The following FNDC1 variants were observed in gnomAD, a reference collection of about 807,000 sequenced individuals.
FNDC1 encodes fibronectin type III domain-containing protein 1.
In FNDC1, 96 loss-of-function variants were observed where a neutral mutation model predicts 168.0. The ratio of observed to expected loss-of-function variants is 0.57; its 90% CI spans 0.48 to 0.68. The LOEUF (loss-of-function observed/expected upper bound fraction) is 0.68. Among genes scored for constraint, FNDC1 ranks in the 30% least tolerant of loss-of-function variants. FNDC1 has a pLI of 0.00. For missense variants in FNDC1, 2,587 were observed against 2,482.1 expected (o/e 1.04, Z -0.90); for synonymous variants, 1,099 against 1,025.9 (o/e 1.07, Z -1.36).
intron 1 of FNDC1, among the ~76,000 whole-genome samples, chr6:159,180,332 G>C (rs1225752282): frequency 6.6e-6 from 1 of 152,112 alleles, no homozygotes; most frequent in African/African-American, 2.4e-5. Flanking sequence ...CTGTAAGACT[G>C]TATTTCCAAA....
chr6:159,172,634 A>T (rs993662078), intron 1 of FNDC1, among the ~76,000 whole-genome samples: 4 of 152,272 alleles, frequency 2.6e-5, no homozygotes, highest in African/African-American at 9.6e-5. Context: ...ACCAGTGTAT[A>T]GCCTTACAAC....
chr6:159,251,193 C>T (rs1777251537), intron 16 of FNDC1, 109 bp from the exon 17 acceptor site: 1 of 780,680 alleles, frequency 1.3e-6, no homozygotes, highest in South Asian at 1.7e-5. Context: ...AGCCTCCGTC[C>T]AGCAGGAAGA....
chr6:159,226,140 T>C lies in FNDC1; in HGVS notation c.1073-333T>C, dbSNP rs114125969. Among the ~76,000 whole-genome samples, 1,116 of 152,312 alleles carry C rather than the reference T, an allele frequency of 7.3e-3. 15 individuals carry two copies. The highest frequency in any genetic ancestry group is 0.026 in the African/African-American group (1,070 of 41,540). On this transcript the variant is annotated intron_variant, in intron 8 of 22. Coordinates refer to ENST00000297267, the MANE Select transcript of FNDC1 (RefSeq NM_032532.3). The stretch of plus-strand genomic sequence containing the variant: ...TCTGTATCCAAGGCTACCATTCTTT[T>C]CTCTTAAACTATGTCTTTCAAAGTT...
In FNDC1 at chr6:159,271,959, C is replaced by T. The variant is rs1777756121; in HGVS notation, c.*517C>T. 6.5e-6 allele frequency: 1 copy of T among 153,724 alleles called. No individual in the cohort carries two copies. Among genetic ancestry groups the T allele is most frequent in the Non-Finnish European group, 1.4e-5 (1 of 69,096 alleles). The allele number at this position is 153,724 out of a possible 1,614,324, so 9.5% of individuals were successfully genotyped here. On this transcript the variant is annotated 3_prime_UTR_variant, in exon 23 of 23. Coordinates refer to ENST00000297267, the MANE Select transcript of FNDC1 (RefSeq NM_032532.3). ...AAATATATCCTACTTGAAATTTACT[C>T]TATGGACTTACCCACTGCTAGAATA... is the stretch of plus-strand genomic sequence containing the variant.
intron 17 of FNDC1, among the ~76,000 whole-genome samples, chr6:159,252,457 G>A (rs541169274): frequency 6.6e-6 from 1 of 152,310 alleles, no homozygotes; most frequent in African/African-American, 2.4e-5. Flanking sequence ...CTTCTCTTGT[G>A]GAATTTGTAC....
At chr6:159,178,070 C>T (rs1291021615) in intron 1 of FNDC1, among the ~76,000 whole-genome samples, 1 of 152,124 alleles carries the variant, frequency 6.6e-6, no homozygotes, top group Non-Finnish European at 1.5e-5. Context: ...GAAAGGCCAG[C>T]AGGGGAGGAT....
intron 18 of FNDC1, among the ~76,000 whole-genome samples, chr6:159,259,508 G>A (rs1230283653): frequency 6.6e-6 from 1 of 152,158 alleles, no homozygotes; most frequent in African/African-American, 2.4e-5. Flanking sequence ...TGGCATAGAG[G>A]CACTTCCCTC....
At chr6:159,173,166 A>G (rs1436644943) in intron 1 of FNDC1, among the ~76,000 whole-genome samples, 1 of 152,250 alleles carries the variant, frequency 6.6e-6, no homozygotes, top group African/African-American at 2.4e-5. Context: ...TAATTCAGAC[A>G]CCAAAATGTT....
chr6:159,214,885 A>C, intron 4 of FNDC1, 60 bp from the exon 5 acceptor site: 1 of 1,504,232 alleles, frequency 6.6e-7, no homozygotes, highest in African/African-American at 1.4e-5. Context: ...CCTCATGTGC[A>C]TGATGGCAAA....
chr6:159,225,435 C>T, intron 7 of FNDC1, 100 bp from the exon 8 acceptor site: 3 of 918,800 alleles, frequency 3.3e-6, no homozygotes, highest in Non-Finnish European at 4.7e-6. Context: ...TTCTTACTTA[C>T]CTCCCAAAGT....
chr6:159,233,844 A>T lies in FNDC1; in HGVS notation c.3332A>T (p.Gln1111Leu). The change falls in exon 11 of 23, where the codon CAG becomes CTG. Residue 1111 changes from glutamine (Q) to leucine (L), a missense_variant. By Grantham distance (113) the Gln-to-Leu change is moderately radical. Transcript: ENST00000297267. This position sits in a 1 kb window ranked among gnomAD's most constrained non-coding sequence, Gnocchi z 4.6. The stretch of plus-strand genomic sequence containing the variant: ...GCAGCTGCGTCCCTTCCCAAGCACC[A>T]GCAGGTGGAGTCTCCCACAGGCGCA... ...KEAAASLPKH[Q>L]QVESPTGAGA... is the part of the protein sequence containing the mutation. 6.5e-7 allele frequency: 1 copy of T among 1,544,758 alleles called. No individual in the cohort carries two copies. Among genetic ancestry groups the T allele is most frequent in the Non-Finnish European group, 8.7e-7 (1 of 1,144,290 alleles).
chr6:159,229,635 G>T (rs550015542), intron 9 of FNDC1, among the ~76,000 whole-genome samples, 180 bp from the exon 10 acceptor site: 1 of 152,314 alleles, frequency 6.6e-6, no homozygotes, highest in South Asian at 2.1e-4. Flanking sequence ...GTGGTTGCCC[G>T]AATGAATGTG....
At chr6:159,226,926 G>A (rs370718818) in intron 9 of FNDC1, among the ~76,000 whole-genome samples, 1 of 152,168 alleles carries the variant, frequency 6.6e-6, no homozygotes, top group Admixed American at 6.5e-5. Context: ...GAAAGCAGGT[G>A]TCAGCAGGAA....
chr6:159,239,692 G>A lies in FNDC1; in HGVS notation c.4356G>A (p.Gln1452=). The A allele has an allele frequency of 6.4e-7, 1 of 1,551,002 alleles. No individual in the cohort carries two copies. The highest frequency in any genetic ancestry group is 1.2e-5 in the South Asian group (1 of 83,990). ...CCCATCCCCCTACCACTACCATGCAGCCCACCACTACTACGACGCCCCTGC... is the reference window on the plus strand; with the variant it reads ...CCCATCCCCCTACCACTACCATGCAACCCACCACTACTACGACGCCCCTGC... ...KTTHPPTTTM[Q]PTTTTTPLPT... is the part of the protein sequence containing the mutation. Residue 1452 remains glutamine, a synonymous_variant, in exon 14 of 23, where the codon CAG becomes CAA. Transcript: ENST00000297267.
chr6:159,196,310 C>T (rs757151907), intron 1 of FNDC1, among the ~76,000 whole-genome samples: 4 of 152,200 alleles, frequency 2.6e-5, no homozygotes, highest in Non-Finnish European at 5.9e-5. Context: ...CAAATTCATA[C>T]TCTTCTTTCA....
chr6:159,229,780 T>C (rs1185186045), intron 9 of FNDC1, 35 bp from the exon 10 acceptor site: 2 of 1,584,288 alleles, frequency 1.3e-6, no homozygotes, highest in Non-Finnish European at 1.7e-6. Flanking sequence ...CTGTTTTCAG[T>C]TTCCTCCTTC....
At chr6:159,230,474 A>C (rs900894794) in intron 10 of FNDC1, among the ~76,000 whole-genome samples, 1 of 152,224 alleles carries the variant, frequency 6.6e-6, no homozygotes, top group Non-Finnish European at 1.5e-5. Flanking sequence ...TGGAAGCCCA[A>C]GCTTCACCAT....
rs2115015510 is a variant in FNDC1, at chr6:159,251,474, T to C, written c.5007T>C (p.Gly1669=). 1 of 1,613,880 alleles carries C rather than the reference T, an allele frequency of 6.2e-7. No individual in the cohort carries two copies. The highest frequency in any genetic ancestry group is 8.5e-7 in the Non-Finnish European group (1 of 1,179,866). Residue 1669 remains glycine, a synonymous_variant, in exon 17 of 23, where the codon GGT becomes GGC. Transcript: ENST00000297267. ...PRNITVVAVE[G]CHSFVIVDWD... ...ACATCACCGTGGTGGCCGTGGAAGG[T>C]TGCCACTCATTTGTCATTGTGGACT...
intron 18 of FNDC1, among the ~76,000 whole-genome samples, chr6:159,256,840 T>A (rs1010924081): frequency 6.6e-6 from 1 of 152,256 alleles, no homozygotes; most frequent in Non-Finnish European, 1.5e-5. Context: ...GTTAGGCTAC[T>A]GTGCTTATAT....
Sources: gnomAD v4.1 joint callset for allele counts (sites outside exome capture counted in the v4.1 genomes callset) on GRCh38, gnomAD v4.1.1 for gene constraint, Gnocchi (gnomAD v3.1) non-coding constraint, MANE v1.5 for transcripts, NCBI Gene and HGNC (gene_info 2026-07-23, HGNC 2026-07-21) for gene names.